TMEM131: variants seen among roughly 807,000 people sequenced by gnomAD.
TMEM131 encodes the protein transmembrane protein 131, also known as 2610524E03Rik.
Under a neutral mutation model 211.6 loss-of-function variants are expected in TMEM131, and 66 were observed. The observed-to-expected ratio is 0.31, with a 90% CI of 0.26 to 0.38. The LOEUF is 0.38. TMEM131 is among the 10% of genes least tolerant of loss of function. TMEM131 has a pLI of 1.00. For synonymous variants in TMEM131, 844 were observed against 841.3 expected (o/e 1.00, Z -0.06); for missense variants, 2,036 against 2,299.3 (o/e 0.89, Z 2.34).
At chr2:97,923,940 C>T (rs1676864141) in intron 2 of TMEM131, among the ~76,000 whole-genome samples, 1 of 151,890 alleles carries the variant, frequency 6.6e-6, no homozygotes. Context: ...ATTAGTCGGG[C>T]TTGGTAGCGG....
At chr2:97,964,490 T>C (rs1678957959) in intron 1 of TMEM131, among the ~76,000 whole-genome samples, 1 of 152,216 alleles carries the variant, frequency 6.6e-6, no homozygotes, top group Non-Finnish European at 1.5e-5. Flanking sequence ...AAATAAATAT[T>C]ACAGAGGAAA....
At chr2:97,805,849 T>G in intron 19 of TMEM131, 146 bp from the exon 20 acceptor site, 1 of 817,024 alleles carries the variant, frequency 1.2e-6, no homozygotes, top group Non-Finnish European at 1.7e-6. Context: ...ATCTTTAAAT[T>G]GTAATCAACA....
chr2:97,978,395 C>A (rs560124923), intron 1 of TMEM131, among the ~76,000 whole-genome samples: 1 of 152,152 alleles, frequency 6.6e-6, no homozygotes, highest in African/African-American at 2.4e-5. Flanking sequence ...TTTATCGTAA[C>A]ACTGCAGCAA....
chr2:97,846,341 C>G (rs528678813), intron 5 of TMEM131, among the ~76,000 whole-genome samples: 11 of 152,292 alleles, frequency 7.2e-5, no homozygotes, highest in Admixed American at 5.2e-4. Flanking sequence ...ACGGGCAACA[C>G]ATCATGAGCA....
At chr2:97,965,051 G>T (rs576428801) in intron 1 of TMEM131, among the ~76,000 whole-genome samples, 2 of 152,164 alleles carry the variant, frequency 1.3e-5, no homozygotes, top group South Asian at 2.1e-4. Context: ...CCCCAAGAGC[G>T]TAAGAGCTCC....
intron 8 of TMEM131, among the ~76,000 whole-genome samples, chr2:97,836,127 TA>T (rs1394739301): frequency 6.6e-6 from 1 of 152,248 alleles, no homozygotes; most frequent in African/African-American, 2.4e-5. Flanking sequence ...TGAAAGGATA[TA>T]AATGAACTGT....
At chr2:97,800,577 C>A (rs1174190143) in intron 25 of TMEM131, among the ~76,000 whole-genome samples, 2 of 124,414 alleles carry the variant, frequency 1.6e-5, no homozygotes, top group Admixed American at 8.3e-5. Context: ...TGGTGAAACC[C>A]CGGCTCTACT....
intron 10 of TMEM131, among the ~76,000 whole-genome samples, 187 bp downstream of exon 10, chr2:97,834,434 C>T (rs1463562983): frequency 6.6e-6 from 1 of 152,158 alleles, no homozygotes; most frequent in Non-Finnish European, 1.5e-5. Flanking sequence ...ATGCCACCCA[C>T]CCCTCAGCGG....
At chr2:97,962,199 C>A (rs754589537) in intron 1 of TMEM131, among the ~76,000 whole-genome samples, 3 of 151,960 alleles carry the variant, frequency 2.0e-5, no homozygotes, top group African/African-American at 4.8e-5. Flanking sequence ...TCTCAAAAAA[C>A]GCTGCTTAAA....
At chr2:97,777,157 G>A (rs1256622064) in intron 31 of TMEM131, among the ~76,000 whole-genome samples, 1 of 152,180 alleles carries the variant, frequency 6.6e-6, no homozygotes, top group African/African-American at 2.4e-5. Flanking sequence ...GGCAGAGAAA[G>A]CCCCAGGTTC....
intron 11 of TMEM131, among the ~76,000 whole-genome samples, chr2:97,831,904 T>C (rs1308180967): frequency 6.8e-6 from 1 of 147,732 alleles, no homozygotes; most frequent in Non-Finnish European, 1.5e-5. Flanking sequence ...TGACTTCAAG[T>C]GATCCACCAG....
At chr2:97,826,560 A>G (rs1478902591) in intron 11 of TMEM131, among the ~76,000 whole-genome samples, 4 of 152,088 alleles carry the variant, frequency 2.6e-5, no homozygotes, top group Non-Finnish European at 4.4e-5. Context: ...GAAAGAGAGA[A>G]AGAGACAGAA....
intron 6 of TMEM131, among the ~76,000 whole-genome samples, chr2:97,842,997 A>G (rs567425654): frequency 1.4e-4 from 22 of 152,136 alleles, no homozygotes; most frequent in African/African-American, 4.8e-4. Flanking sequence ...CTGAAAGGGA[A>G]CACTGACTCT....
intron 11 of TMEM131, among the ~76,000 whole-genome samples, chr2:97,826,838 G>T (rs1375312524): frequency 6.6e-6 from 1 of 152,120 alleles, no homozygotes; most frequent in African/African-American, 2.4e-5. Context: ...CTTGCTGTCA[G>T]AGTAAACAAG....
chr2:97,760,180 A>T lies in TMEM131; in HGVS notation c.5108+413T>A. On this transcript the variant is annotated intron_variant, in intron 38 of 40. Coordinates refer to ENST00000186436, the MANE Select transcript of TMEM131 (RefSeq NM_015348.2). ...CACCACACCCCCTGCATGATAAACA[A>T]GCCTGCTCAAGAAAGAGGCGTGGCC... The T allele has an allele frequency of 1.1e-5, 3 of 269,404 alleles. No individual in the cohort carries two copies. The South Asian group carries it at 1.5e-4, about 14-fold the overall frequency. 16.7% of individuals were successfully genotyped at this position (269,404 alleles called of 1,614,324 possible).
At position 97,808,047 on chromosome 2, in the gene TMEM131, A is replaced by G. The variant is rs79549968; in HGVS notation, c.2055+1641T>C. ...GATTTTTTTTTTGGAATATTTACAT[A>G]TATATAATGAGATATCTTGGGGACA... On this transcript the variant is annotated intron_variant, in intron 19 of 40. Coordinates refer to ENST00000186436, the MANE Select transcript of TMEM131 (RefSeq NM_015348.2). 3.5e-3 allele frequency among the ~76,000 whole-genome samples: 526 copies of G among 152,262 alleles called. 8 individuals are homozygous for G. In the East Asian group the frequency reaches 0.042, roughly 12 times the overall value.
chr2:97,928,424 T>G (rs1026261607), intron 1 of TMEM131, among the ~76,000 whole-genome samples: 1 of 151,176 alleles, frequency 6.6e-6, no homozygotes, highest in African/African-American at 2.5e-5. Flanking sequence ...CATGATGCAT[T>G]TGTCAAAACA....
At chr2:97,978,472 C>G (rs1170210055) in intron 1 of TMEM131, among the ~76,000 whole-genome samples, 1 of 152,152 alleles carries the variant, frequency 6.6e-6, no homozygotes, top group East Asian at 1.9e-4. Context: ...GCAGCCTTGA[C>G]TTCCTGGGCT....
chr2:97,896,158 C>A (rs1170440349), intron 3 of TMEM131, among the ~76,000 whole-genome samples: 2 of 152,088 alleles, frequency 1.3e-5, no homozygotes, highest in African/African-American at 2.4e-5. Flanking sequence ...GTTCAACTTC[C>A]CTGTAGTTGT....
Sources: gnomAD v4.1 joint callset for allele counts (sites outside exome capture counted in the v4.1 genomes callset) on GRCh38, gnomAD v4.1.1 for gene constraint, MANE v1.5 for transcripts, NCBI Gene and HGNC (gene_info 2026-07-23, HGNC 2026-07-21) for gene names.